The following PTPN1 variants were observed in gnomAD, a reference collection of about 807,000 sequenced individuals.
PTPN1 encodes the protein protein tyrosine phosphatase non-receptor type 1, also known as tyrosine-protein phosphatase non-receptor type 1.
A neutral mutation model predicts 59.9 loss-of-function variants in PTPN1; 12 were observed. That is an observed-to-expected ratio of 0.20 (90% CI 0.13 to 0.32). The LOEUF (loss-of-function observed/expected upper bound fraction) is 0.32, where lower values mean the gene tolerates loss of function less well. PTPN1 is among the 10% of genes least tolerant of loss of function. The pLI is 1.00. For synonymous variants in PTPN1, 178 were observed against 203.6 expected, an observed-to-expected ratio of 0.87 and a Z score of 1.07; for missense variants, 356 against 549.2, an observed-to-expected ratio of 0.65 and a Z score of 3.52.
At chr20:50,558,303 T>TA (rs1568788896) in intron 1 of PTPN1, among the ~76,000 whole-genome samples, 1 of 152,224 alleles carries the variant, frequency 6.6e-6, no homozygotes, top group African/African-American at 2.4e-5. Flanking sequence ...GTAGCCATAG[T>TA]AAAAAAGGTC....
At chr20:50,573,089 G>A (rs2082819102) in intron 4 of PTPN1, 1 of 152,214 alleles carries the variant, frequency 6.6e-6, no homozygotes. Context: ...CCCACATTTT[G>A]CTTTGGTTTT....
intron 1 of PTPN1, among the ~76,000 whole-genome samples, chr20:50,541,438 G>A (rs2082651776): frequency 1.3e-5 from 2 of 152,164 alleles, no homozygotes; most frequent in African/African-American, 4.8e-5. Flanking sequence ...CTAGACCTAC[G>A]AGTGTCGGCT....
rs1455730283 is a variant in PTPN1, at chr20:50,568,059, C to T, written c.256-321C>T. On this transcript the variant is annotated intron_variant, in intron 3 of 9. Coordinates refer to ENST00000371621, the MANE Select transcript of PTPN1 (RefSeq NM_002827.4). This position sits in a 1 kb window ranked among gnomAD's most constrained non-coding sequence, Gnocchi z 5.6. ...CACCAAGGAGTTTTGTCCCATAGCC[C>T]AAGGGCCTTGGGGACGAATCTCAGT... is the stretch of plus-strand genomic sequence containing the variant. 6.6e-6 allele frequency among the ~76,000 whole-genome samples: 1 copy of T among 152,220 alleles called. No homozygotes were observed. Among genetic ancestry groups the T allele is most frequent in the Non-Finnish European group, 1.5e-5 (1 of 68,046 alleles).
rs577085800 is a variant in PTPN1, at chr20:50,583,063, G to A, written c.*348G>A. On this transcript the variant is annotated 3_prime_UTR_variant, in exon 10 of 10. Coordinates refer to ENST00000371621, the MANE Select transcript of PTPN1 (RefSeq NM_002827.4). ...CTGGAGCATCCCAGGCGGGCGGCAC[G>A]CCAACAGCCCCCCCCTTGAATCTGC... 112 of 314,938 alleles carry A rather than the reference G, an allele frequency of 3.6e-4. No homozygotes were observed. In the East Asian group the frequency reaches 4.9e-3, roughly 14 times the overall value. 19.5% of individuals were successfully genotyped at this position (314,938 alleles called of 1,614,324 possible).
intron 1 of PTPN1, among the ~76,000 whole-genome samples, chr20:50,534,582 T>C (rs567969214): frequency 5.9e-5 from 9 of 152,218 alleles, no homozygotes; most frequent in Non-Finnish European, 1.3e-4. Flanking sequence ...GAGAAATACA[T>C]TGAGTAATTA....
rs538613583 is a variant in PTPN1 at position 50,582,889 on chromosome 20, C to T, written c.*174C>T. 5.7e-6 allele frequency: 4 copies of T among 697,200 alleles called. No individual in the cohort carries two copies. In the Admixed American group the frequency reaches 1.1e-4, roughly 18 times the overall value. 43.2% of individuals were successfully genotyped at this position (697,200 alleles called of 1,614,324 possible). A position where few individuals can be genotyped will look rare whatever the true frequency, so the allele number is the denominator to read the frequency against. On this transcript the variant is annotated 3_prime_UTR_variant, in exon 10 of 10. Coordinates refer to ENST00000371621, the MANE Select transcript of PTPN1 (RefSeq NM_002827.4). The surrounding 1 kb of genome is among the most constrained non-coding windows in gnomAD (Gnocchi z 4.2). ...CATCTTCCCCGGATGTGTGTCTCAC[C>T]CCTCATCCTTTTACTTTTTGCCCCT...
intron 1 of PTPN1, among the ~76,000 whole-genome samples, chr20:50,545,170 G>C (rs1294491092): frequency 6.6e-6 from 1 of 151,932 alleles, no homozygotes; most frequent in African/African-American, 2.4e-5. Context: ...TGTCTAGGCT[G>C]GTTCCAAACT....
intron 1 of PTPN1, among the ~76,000 whole-genome samples, chr20:50,530,864 TTTTTTTA>T (rs1386253062): frequency 1.3e-5 from 2 of 152,006 alleles, no homozygotes; most frequent in African/African-American, 4.8e-5. Flanking sequence ...CAGCTAATTG[TTTTTTTA>T]TTTTTTATTT....
intron 5 of PTPN1, among the ~76,000 whole-genome samples, chr20:50,577,273 CAT>C (rs1401572576): frequency 2.0e-5 from 3 of 152,222 alleles, no homozygotes; most frequent in East Asian, 1.9e-4. Flanking sequence ...GTGACTGGCA[CAT>C]GATTGGCATA....
chr20:50,519,676 T>G (rs1011078292), intron 1 of PTPN1, among the ~76,000 whole-genome samples: 5 of 152,176 alleles, frequency 3.3e-5, no homozygotes, highest in Admixed American at 6.5e-5. Flanking sequence ...AGGGCAAAAC[T>G]GTGCTCCCGT....
intron 1 of PTPN1, among the ~76,000 whole-genome samples, chr20:50,537,507 G>A (rs1003081073): frequency 2.6e-5 from 4 of 152,036 alleles, no homozygotes; most frequent in Non-Finnish European, 4.4e-5. Context: ...AGTGTTACTC[G>A]TATCCACGTG....
intron 1 of PTPN1, among the ~76,000 whole-genome samples, chr20:50,527,471 G>A (rs1440538246): frequency 6.6e-6 from 1 of 152,086 alleles, no homozygotes; most frequent in Non-Finnish European, 1.5e-5. Flanking sequence ...AGCCTCCTGA[G>A]TAGCTGGGAT....
In PTPN1 at chr20:50,544,683, C is replaced by T. The variant is rs773475428; in HGVS notation, c.64-16680C>T. 3.9e-5 allele frequency among the ~76,000 whole-genome samples: 6 copies of T among 152,236 alleles called. No individual in the cohort carries two copies. In the East Asian group the frequency reaches 5.8e-4, roughly 15 times the overall value. On this transcript the variant is annotated intron_variant, in intron 1 of 9. Coordinates refer to ENST00000371621, the MANE Select transcript of PTPN1 (RefSeq NM_002827.4). ...GGGGCTCAAACCCACTGGGGACGTC[C>T]GAGAGACTGCAAGGGCCATGCCTTC...
intron 1 of PTPN1, among the ~76,000 whole-genome samples, chr20:50,553,390 G>A (rs1283995315): frequency 1.3e-5 from 2 of 152,216 alleles, no homozygotes; most frequent in Non-Finnish European, 2.9e-5. Flanking sequence ...GGATGAGCAG[G>A]CTATGACAGA....
Position 50,549,253 on chromosome 20 carries a change from T to C in PTPN1, c.64-12110T>C, listed in dbSNP as rs928219408. Among the ~76,000 whole-genome samples the C allele has an allele frequency of 2.0e-5, 3 of 152,204 alleles. No individual in the cohort carries two copies. In the East Asian group the frequency reaches 5.8e-4, roughly 29 times the overall value. On this transcript the variant is annotated intron_variant, in intron 1 of 9. Coordinates refer to ENST00000371621, the MANE Select transcript of PTPN1 (RefSeq NM_002827.4). ...GGTTTTCTCTAAATTTAATTGACCA[T>C]TGTTTTATATTTGGAGCAGTGGGTG...
chr20:50,539,421 A>G (rs1272609312), intron 1 of PTPN1, among the ~76,000 whole-genome samples: 1 of 152,156 alleles, frequency 6.6e-6, no homozygotes, highest in Non-Finnish European at 1.5e-5. Context: ...AATCAACAGT[A>G]CATATTCATA....
chr20:50,526,013 G>A (rs1465227627), intron 1 of PTPN1, among the ~76,000 whole-genome samples: 2 of 152,162 alleles, frequency 1.3e-5, no homozygotes, highest in African/African-American at 4.8e-5. Flanking sequence ...ACCCCAGTTT[G>A]ATTATGCTTT....
At chr20:50,518,888 G>A (rs183078568) in intron 1 of PTPN1, among the ~76,000 whole-genome samples, 29 of 152,212 alleles carry the variant, frequency 1.9e-4, no homozygotes, top group African/African-American at 5.1e-4. Flanking sequence ...ATACAACCTG[G>A]TTTAGCCACA....
Position 50,578,143 on chromosome 20 carries a change from C to T in PTPN1, c.493-277C>T, listed in dbSNP as rs552019784. On this transcript the variant is annotated intron_variant, in intron 5 of 9. Coordinates refer to ENST00000371621, the MANE Select transcript of PTPN1 (RefSeq NM_002827.4). ...GAGAAACCAGTTGTAACCATGTAGA[C>T]AGTGGAAGTGATAGGGAGAAAAGAG... 2.3e-5 allele frequency: 9 copies of T among 399,234 alleles called. No homozygotes were observed. The Admixed American group carries it at 2.3e-4, about 10-fold the overall frequency. 24.7% of individuals were successfully genotyped at this position (399,234 alleles called of 1,614,324 possible).
Sources: allele counts gnomAD v4.1 joint callset (sites outside exome capture counted in the v4.1 genomes callset), GRCh38; gene constraint gnomAD v4.1.1; non-coding constraint Gnocchi (gnomAD v3.1); transcripts MANE v1.5; gene names NCBI Gene and HGNC (gene_info 2026-07-23, HGNC 2026-07-21).